Variants in ZMIZ2 observed in about 807,000 individuals in gnomAD.
ZMIZ2 encodes zinc finger MIZ-type containing 2.
In ZMIZ2, 26 loss-of-function variants were observed where a neutral mutation model predicts 93.9. The observed-to-expected ratio is 0.28, with a 90% confidence interval of 0.20 to 0.38. The LOEUF (loss-of-function observed/expected upper bound fraction) is 0.38, where lower values mean the gene tolerates loss of function less well. Among genes scored for constraint, ZMIZ2 ranks in the 10% least tolerant of loss-of-function variants. ZMIZ2 has a pLI of 1.00. For missense variants in ZMIZ2, 1,023 were observed against 1,235.0 expected, an observed-to-expected ratio of 0.83 and a Z score of 2.57; for synonymous variants, 485 against 516.4, an observed-to-expected ratio of 0.94 and a Z score of 0.82.
rs1032893477 is a variant in ZMIZ2 at position 44,756,405 on chromosome 7, AG to A, written c.51-19del. ...CCAGTGGCTTCCTGACCCAGGCCTC[AG>A]CAGCCTCTTTCCCTGCAGTGATGGT... On this transcript the variant is annotated intron_variant, in intron 2 of 18. Transcript: ENST00000309315. 5.0e-6 allele frequency: 8 copies of A among 1,613,790 alleles called. No homozygotes were observed. The highest frequency in any genetic ancestry group is 6.8e-6 in the Non-Finnish European group (8 of 1,179,970).
At chr7:44,756,388 T>C in intron 2 of ZMIZ2, 37 bp from the exon 3 acceptor site, 1 of 1,613,874 alleles carries the variant, frequency 6.2e-7, no homozygotes, top group Middle Eastern at 1.7e-4. Flanking sequence ...CACCAGTGGC[T>C]TCCTGACCCA....
rs1427341750 is a variant in ZMIZ2, at chr7:44,760,551, G to C, written c.1198G>C (p.Asp400His). Reference protein sequence around the residue: ...NQEVKSPFLPDLKPNLNSLHS... With the variant: ...NQEVKSPFLPHLKPNLNSLHS... ...AGAGGTCAAGTCTCCCTTCTTGCCT[G>C]ATCTCAAGCCCAACCTCAACTCCTT... Residue 400 changes from aspartate to histidine, a missense_variant, in exon 9 of 19, where the codon GAT becomes CAT. Around this residue, in one of 3 missense-constraint regions of ZMIZ2, gnomAD observed 656 missense variants for 777.1 expected, o/e 0.84. Coordinates refer to ENST00000309315, the MANE Select transcript of ZMIZ2 (RefSeq NM_031449.4). 1 of 1,614,094 alleles carries C rather than the reference G, an allele frequency of 6.2e-7. No individual in the cohort carries two copies. Among genetic ancestry groups the C allele is most frequent in the Admixed American group, 1.7e-5 (1 of 60,010 alleles).
chr7:44,759,894 T>C, intron 7 of ZMIZ2: 1 of 544,458 alleles, frequency 1.8e-6, no homozygotes, highest in Admixed American at 3.5e-5. Flanking sequence ...CCTGGGAGCC[T>C]GGGTGCGCCG....
chr7:44,765,081 G>A lies in ZMIZ2; in HGVS notation c.1997+72G>A. ...GCAGCCCCAGGACATGTCGGGGGAT[G>A]TCCCTTGCCAAGTGCAGCCTTCCAG... On this transcript the variant is annotated intron_variant, in intron 15 of 18. Coordinates refer to ENST00000309315, the MANE Select transcript of ZMIZ2 (RefSeq NM_031449.4). The surrounding 1 kb of genome is among the most constrained non-coding windows in gnomAD (Gnocchi z 4.1). 3 of 1,589,640 alleles carry A rather than the reference G, an allele frequency of 1.9e-6. No individual in the cohort carries two copies. The highest frequency in any genetic ancestry group is 1.7e-6 in the Non-Finnish European group (2 of 1,159,900).
chr7:44,757,318 G>T (rs1790689368), intron 4 of ZMIZ2, 60 bp from the exon 5 acceptor site: 207 of 1,570,976 alleles, frequency 1.3e-4, no homozygotes, highest in Non-Finnish European at 1.8e-4. Flanking sequence ...TCTGGGGTGA[G>T]CACAGTCCTG....
intron 1 of ZMIZ2, among the ~76,000 whole-genome samples, chr7:44,752,892 A>G (rs907749883): frequency 3.3e-5 from 5 of 152,254 alleles, no homozygotes; most frequent in Non-Finnish European, 5.9e-5. Flanking sequence ...TTGCTGGGTC[A>G]TAGTAGGGTA....
chr7:44,765,263 G>A lies in ZMIZ2; in HGVS notation c.1998-72G>A, dbSNP rs1791586043. Reference sequence around the variant, plus strand: ...GGAACCTGCCTGGAAACAGCCCAGGGCTGGGAGGGGCAGTGGGTGCCGGGC... The same window carrying A: ...GGAACCTGCCTGGAAACAGCCCAGGACTGGGAGGGGCAGTGGGTGCCGGGC... On this transcript the variant is annotated intron_variant, in intron 15 of 18. Coordinates refer to ENST00000309315, the MANE Select transcript of ZMIZ2 (RefSeq NM_031449.4). The surrounding 1 kb of genome is among the most constrained non-coding windows in gnomAD (Gnocchi z 4.1). The A allele has an allele frequency of 6.3e-7, 1 of 1,590,794 alleles. No homozygotes were observed. The highest frequency in any genetic ancestry group is 2.2e-5 in the East Asian group (1 of 44,614).
chr7:44,759,228 C>A (rs1258877229), intron 6 of ZMIZ2, 53 bp from the exon 7 acceptor site: 2 of 1,426,466 alleles, frequency 1.4e-6, no homozygotes, highest in African/African-American at 2.9e-5. Context: ...CCTTCTGGAA[C>A]CAGCTCCCCT....
At chr7:44,767,344 T>C (rs1791817242) in intron 18 of ZMIZ2, among the ~76,000 whole-genome samples, 172 bp from the exon 19 acceptor site, 1 of 152,002 alleles carries the variant, frequency 6.6e-6, no homozygotes, top group African/African-American at 2.4e-5. Flanking sequence ...GTGTGCCTCT[T>C]TGAGCACATG....
chr7:44,764,884 G>A (rs754520923), intron 14 of ZMIZ2, 57 bp from the exon 15 acceptor site: 31 of 1,586,330 alleles, frequency 2.0e-5, no homozygotes, highest in Non-Finnish European at 2.4e-5. Context: ...GACAGGGCCT[G>A]TGCCCAGGAC....
intron 1 of ZMIZ2, among the ~76,000 whole-genome samples, chr7:44,754,337 G>T (rs1790410198): frequency 6.6e-6 from 1 of 152,200 alleles, no homozygotes. Flanking sequence ...TTCCTGGGCA[G>T]GACTTGGTCT....
chr7:44,765,642 A>G lies in ZMIZ2; in HGVS notation c.2242+63A>G, dbSNP rs1791635121. ...CTGGGCATATGGCTCCTCTCCCCAGATCAGTCTCCTCACCTGCAAGAATGT... is the reference window on the plus strand; with the variant it reads ...CTGGGCATATGGCTCCTCTCCCCAGGTCAGTCTCCTCACCTGCAAGAATGT... On this transcript the variant is annotated intron_variant, in intron 16 of 18. Transcript: ENST00000309315. The surrounding 1 kb of genome is among the most constrained non-coding windows in gnomAD (Gnocchi z 4.1). 6.4e-7 allele frequency: 1 copy of G among 1,551,908 alleles called. No homozygotes were observed. Among genetic ancestry groups the G allele is most frequent in the Non-Finnish European group, 8.7e-7 (1 of 1,150,690 alleles).
At position 44,765,065 on chromosome 7, in the gene ZMIZ2, G is replaced by A. The variant is rs142559371; in HGVS notation, c.1997+56G>A. The A allele has an allele frequency of 3.1e-6, 5 of 1,602,354 alleles. No homozygotes were observed. Among genetic ancestry groups the A allele is most frequent in the Non-Finnish European group, 3.4e-6 (4 of 1,170,074 alleles). The stretch of plus-strand genomic sequence containing the variant: ...CTGTGGCCACTGGAGGGCAGCCCCA[G>A]GACATGTCGGGGGATGTCCCTTGCC... On this transcript the variant is annotated intron_variant, in intron 15 of 18. Coordinates refer to ENST00000309315, the MANE Select transcript of ZMIZ2 (RefSeq NM_031449.4). This position sits in a 1 kb window ranked among gnomAD's most constrained non-coding sequence, Gnocchi z 4.1.
Position 44,763,074 on chromosome 7 carries a change from C to T in ZMIZ2, c.1702+88C>T, listed in dbSNP as rs1215473988. The T allele has an allele frequency of 1.5e-5, 22 of 1,457,908 alleles. No homozygotes were observed. Among genetic ancestry groups the T allele is most frequent in the South Asian group, 6.2e-5 (5 of 80,910 alleles). 90.3% of individuals were successfully genotyped at this position (1,457,908 alleles called of 1,614,324 possible). A position where few individuals can be genotyped will look rare whatever the true frequency, so the allele number is the denominator to read the frequency against. ...ACAATCCTCCTTGTGGGCACCTCCT[C>T]GTGTCACACCAGGCCTTCTCCTTGG... On this transcript the variant is annotated intron_variant, in intron 12 of 18. Coordinates refer to ENST00000309315, the MANE Select transcript of ZMIZ2 (RefSeq NM_031449.4). The surrounding 1 kb of genome is among the most constrained non-coding windows in gnomAD (Gnocchi z 5.6).
intron 18 of ZMIZ2, among the ~76,000 whole-genome samples, chr7:44,767,117 G>A (rs1791790832): frequency 6.6e-6 from 1 of 152,090 alleles, no homozygotes; most frequent in Non-Finnish European, 1.5e-5. Flanking sequence ...AAAAAGTTAG[G>A]AAGAACAGCT....
At chr7:44,758,263 T>G (rs911523944) in intron 6 of ZMIZ2, among the ~76,000 whole-genome samples, 155 bp downstream of exon 6, 1 of 151,832 alleles carries the variant, frequency 6.6e-6, no homozygotes, top group Non-Finnish European at 1.5e-5. Context: ...GTGGATCCCT[T>G]GAGCTCAGGA....
intron 7 of ZMIZ2, 59 bp from the exon 8 acceptor site, chr7:44,760,092 A>C: frequency 6.3e-7 from 1 of 1,598,814 alleles, no homozygotes; most frequent in Non-Finnish European, 8.6e-7. Context: ...GGTCAGGTCC[A>C]GGGGGCCCGG....
chr7:44,763,403 G>T lies in ZMIZ2; in HGVS notation c.1850G>T (p.Arg617Leu), dbSNP rs192111706. The T allele has an allele frequency of 6.2e-7, 1 of 1,614,000 alleles. No homozygotes were observed. Among genetic ancestry groups the T allele is most frequent in the East Asian group, 2.2e-5 (1 of 44,876 alleles). The change falls in exon 13 of 19, where the codon CGC becomes CTC. Residue 617 changes from arginine (R) to leucine (L), a missense_variant. Arg to Leu is a moderately radical substitution (Grantham distance 102). Transcript: ENST00000309315. The surrounding 1 kb of genome is among the most constrained non-coding windows in gnomAD (Gnocchi z 5.6). ...IQLPARGHDC[R>L]HIQCFDLESY... ...CTCCCTGCCCGAGGTCATGACTGTC[G>T]CCACATACAGGTAGGTGGTTACTGC...
In ZMIZ2 at chr7:44,768,033, T is replaced by G; in HGVS notation, c.*410T>G. 1 of 234,722 alleles carries G rather than the reference T, an allele frequency of 4.3e-6. No individual in the cohort carries two copies. Among genetic ancestry groups the G allele is most frequent in the Non-Finnish European group, 8.5e-6 (1 of 117,714 alleles). The allele number at this position is 234,722 out of a possible 1,614,324, so 14.5% of individuals were successfully genotyped here. On this transcript the variant is annotated 3_prime_UTR_variant, in exon 19 of 19. Coordinates refer to ENST00000309315, the MANE Select transcript of ZMIZ2 (RefSeq NM_031449.4). ...CCTTCTGTTTCAACAACTCCTCCAC[T>G]GGGCAGAGCTGGGCATCTGGCAGGG...
Sources: gnomAD v4.1 joint callset for allele counts (sites outside exome capture counted in the v4.1 genomes callset) on GRCh38, gnomAD v4.1.1 for gene constraint, gnomAD v4.1.1 regional missense constraint, Gnocchi (gnomAD v3.1) non-coding constraint, MANE v1.5 for transcripts, NCBI Gene and HGNC (gene_info 2026-07-23, HGNC 2026-07-21) for gene names.